LYPLA1: variants seen among roughly 807,000 people sequenced by gnomAD.
The protein encoded by LYPLA1 is acyl-protein thioesterase 1.
Under a neutral mutation model 34.0 loss-of-function variants are expected in LYPLA1, and 17 were observed. The observed-to-expected ratio is 0.50, with a 90% CI of 0.34 to 0.75. LYPLA1 has a LOEUF of 0.75. Ranked by LOEUF, LYPLA1 falls within the 30% of genes least tolerant of loss-of-function variation. The pLI is 0.01. For synonymous variants in LYPLA1, 98 were observed against 100.8 expected (o/e 0.97, Z 0.17); for missense variants, 203 against 288.8 (o/e 0.70, Z 2.15).
chr8:54,095,422 G>A (rs1331153969), intron 2 of LYPLA1, among the ~76,000 whole-genome samples: 2 of 152,070 alleles, frequency 1.3e-5, no homozygotes, highest in Non-Finnish European at 2.9e-5. Flanking sequence ...AAATCCATGG[G>A]TGAACATATG....
intron 2 of LYPLA1, among the ~76,000 whole-genome samples, chr8:54,083,403 A>G (rs887717149): frequency 6.6e-6 from 1 of 152,232 alleles, no homozygotes; most frequent in Non-Finnish European, 1.5e-5. Flanking sequence ...TAGTATGAAT[A>G]TACAAACAGT....
At chr8:54,091,414 G>A (rs1054678776) in intron 2 of LYPLA1, among the ~76,000 whole-genome samples, 1 of 151,852 alleles carries the variant, frequency 6.6e-6, no homozygotes, top group Non-Finnish European at 1.5e-5. Flanking sequence ...TTGAACCCAG[G>A]AGGCAGAGGT....
intron 2 of LYPLA1, among the ~76,000 whole-genome samples, chr8:54,091,306 G>A (rs974281145): frequency 2.6e-5 from 4 of 151,804 alleles, no homozygotes; most frequent in Admixed American, 2.0e-4. Context: ...TGGCCAACAC[G>A]GTGAAACCCT....
chr8:54,063,523 C>T (rs1430637356), intron 3 of LYPLA1, 148 bp from the exon 4 acceptor site: 2 of 638,136 alleles, frequency 3.1e-6, no homozygotes, highest in Non-Finnish European at 5.5e-6. Context: ...TTCATCCACA[C>T]CTGTACAACT....
At chr8:54,065,605 G>A in intron 3 of LYPLA1, 143 bp downstream of exon 3, 1 of 500,530 alleles carries the variant, frequency 2.0e-6, no homozygotes, top group South Asian at 4.8e-5. Flanking sequence ...TTAGTTTTAA[G>A]GAATTCTACT....
chr8:54,073,281 G>T, intron 2 of LYPLA1: 1 of 891,606 alleles, frequency 1.1e-6, no homozygotes, highest in Non-Finnish European at 1.9e-6. Context: ...GCATGCTGGG[G>T]TCCTTCTGTG....
intron 6 of LYPLA1, 107 bp downstream of exon 6, chr8:54,054,953 C>A: frequency 2.9e-6 from 2 of 691,718 alleles, no homozygotes; most frequent in East Asian, 2.8e-5. Context: ...GTGTATCAGT[C>A]AAGATTCTAT....
intron 4 of LYPLA1, among the ~76,000 whole-genome samples, 165 bp from the exon 5 acceptor site, chr8:54,062,489 C>CCATTTATT (rs1806724828): frequency 1.3e-5 from 2 of 148,936 alleles, no homozygotes; most frequent in African/African-American, 4.9e-5. Flanking sequence ...CGAAGTCTCA[C>CCATTTATT]TATTTATTTA....
chr8:54,097,432 CA>C (rs1809775102), intron 2 of LYPLA1, among the ~76,000 whole-genome samples: 1 of 151,960 alleles, frequency 6.6e-6, no homozygotes, highest in Admixed American at 6.6e-5. Flanking sequence ...TTAAAAGAGA[CA>C]AAAGAGACTA....
intron 1 of LYPLA1, 119 bp from the exon 2 acceptor site, chr8:54,101,058 C>T (rs1810097510): frequency 1.2e-6 from 1 of 825,192 alleles, no homozygotes; most frequent in Non-Finnish European, 2.0e-6. Flanking sequence ...TTACACAACA[C>T]TATCTTCGGC....
chr8:54,088,306 G>A lies in LYPLA1; in HGVS notation c.101+12602C>T, dbSNP rs191751995. Among the ~76,000 whole-genome samples the A allele has an allele frequency of 4.1e-3, 617 of 152,202 alleles. 4 individuals carry two copies. The highest frequency in any genetic ancestry group is 0.014 in the African/African-American group (588 of 41,540). ...TATTTATTCCTAATTAGATGGAGAG[G>A]AAAATCTTTAAAGAGGGACCTCTAT... On this transcript the variant is annotated intron_variant, in intron 2 of 8. Coordinates refer to ENST00000316963, the MANE Select transcript of LYPLA1 (RefSeq NM_006330.4).
intron 6 of LYPLA1, chr8:54,053,255 C>T (rs28369337): frequency 0.1 from 21,563 of 207,334 alleles, 3,589 homozygotes; most frequent in African/African-American, 0.4. Context: ...CCACCACACC[C>T]GGCTAATTTT....
chr8:54,066,998 G>A (rs1235358906), intron 2 of LYPLA1, among the ~76,000 whole-genome samples: 1 of 151,676 alleles, frequency 6.6e-6, no homozygotes, highest in Middle Eastern at 3.2e-3. Flanking sequence ...GTGAAACCCT[G>A]TCTCTACTAA....
chr8:54,084,998 C>T (rs1808602182), intron 2 of LYPLA1, among the ~76,000 whole-genome samples: 1 of 120,004 alleles, frequency 8.3e-6, no homozygotes, highest in East Asian at 1.9e-4. Context: ...CCTCTCCCTC[C>T]TCTTCCTCTC....
intron 2 of LYPLA1, among the ~76,000 whole-genome samples, chr8:54,077,571 G>A (rs1376793502): frequency 1.3e-5 from 2 of 152,116 alleles, no homozygotes; most frequent in East Asian, 1.9e-4. Context: ...TGAGGCAGAC[G>A]GATCACTTGA....
chr8:54,086,760 G>A (rs1234680969), intron 2 of LYPLA1, among the ~76,000 whole-genome samples: 1 of 152,058 alleles, frequency 6.6e-6, no homozygotes, highest in Non-Finnish European at 1.5e-5. Context: ...ATACTTGGGA[G>A]TATGGTTTGA....
At chr8:54,093,804 G>C (rs1342060073) in intron 2 of LYPLA1, among the ~76,000 whole-genome samples, 5 of 152,156 alleles carry the variant, frequency 3.3e-5, no homozygotes, top group Admixed American at 3.3e-4. Flanking sequence ...CTGTGCTGAG[G>C]TATATTTTAT....
intron 2 of LYPLA1, among the ~76,000 whole-genome samples, chr8:54,084,133 A>AAAAAAAAAAAAAAAATTTTTATATATAT (rs1373090573): frequency 8.3e-6 from 1 of 120,484 alleles, no homozygotes; most frequent in Non-Finnish European, 1.6e-5. Flanking sequence ...AGAAAAAAAA[A>AAAAAAAAAAAAAAAATTTTTATATATAT]ATAAATAAAT....
At chr8:54,059,200 T>C (rs1245208602) in intron 5 of LYPLA1, among the ~76,000 whole-genome samples, 1 of 152,204 alleles carries the variant, frequency 6.6e-6, no homozygotes, top group African/African-American at 2.4e-5. Context: ...ATCCCAACTC[T>C]AGGATTCTAA....
Sources: allele counts gnomAD v4.1 joint callset (sites outside exome capture counted in the v4.1 genomes callset), GRCh38; gene constraint gnomAD v4.1.1; transcripts MANE v1.5; gene names NCBI Gene and HGNC (gene_info 2026-07-23, HGNC 2026-07-21).